Variants in ZBTB20 observed in about 807,000 individuals in gnomAD.
ZBTB20 encodes the protein zinc finger and BTB domain-containing protein 20.
ZBTB20 carries 9 observed loss-of-function variants against 56.9 expected under a neutral mutation model. The observed-to-expected ratio is 0.16, with a 90% confidence interval of 0.10 to 0.28. ZBTB20 has a LOEUF of 0.28. Among genes scored for constraint, ZBTB20 ranks in the 10% least tolerant of loss-of-function variants. The probability of loss-of-function intolerance (pLI) is 1.00; values close to 1 mark genes in which losing one functional copy is unlikely to be tolerated. For synonymous variants in ZBTB20, 417 were observed against 420.7 expected, an observed-to-expected ratio of 0.99 and a Z score of 0.11; for missense variants, 655 against 1,003.0, an observed-to-expected ratio of 0.65 and a Z score of 4.69.
chr3:114,914,102 T>C (rs1375889119), intron 3 of ZBTB20, among the ~76,000 whole-genome samples: 1 of 152,054 alleles, frequency 6.6e-6, no homozygotes, highest in African/African-American at 2.4e-5. Flanking sequence ...GTGTTTTCTA[T>C]TTCTGTGAAG....
At chr3:115,094,122 G>C (rs574731411) in intron 1 of ZBTB20, among the ~76,000 whole-genome samples, 1 of 151,946 alleles carries the variant, frequency 6.6e-6, no homozygotes, top group Non-Finnish European at 1.5e-5. Flanking sequence ...GAAATGAGGT[G>C]AGGGGATAAA....
intron 4 of ZBTB20, among the ~76,000 whole-genome samples, chr3:114,876,686 T>C (rs779910592): frequency 7.9e-5 from 12 of 152,040 alleles, no homozygotes; most frequent in Non-Finnish European, 1.2e-4. Flanking sequence ...GAGAAGAAAA[T>C]CTAGTACATT....
rs2079444218 is a variant in ZBTB20 at position 114,336,076 on chromosome 3, C to T, written c.*2929G>A. 6.6e-6 allele frequency: 1 copy of T among 152,164 alleles called. No individual in the cohort carries two copies. The highest frequency in any genetic ancestry group is 1.5e-5 in the Non-Finnish European group (1 of 68,014). 9.4% of individuals were successfully genotyped at this position (152,164 alleles called of 1,614,324 possible). ...ATTAGTGAAAATTCTTCCTACTTTG[C>T]TAAATTTGAACAAAGACACTTTCAA... On this transcript the variant is annotated 3_prime_UTR_variant, in exon 12 of 12. Coordinates refer to ENST00000675478, the MANE Select transcript of ZBTB20 (RefSeq NM_001348800.3).
At chr3:115,143,733 G>GA (rs1354828944) in intron 1 of ZBTB20, among the ~76,000 whole-genome samples, 3 of 151,864 alleles carry the variant, frequency 2.0e-5, no homozygotes, top group Admixed American at 6.6e-5. Context: ...TTAAAATCAT[G>GA]AAAAAAATCC....
intron 6 of ZBTB20, among the ~76,000 whole-genome samples, chr3:114,660,178 A>G (rs1248466663): frequency 2.0e-5 from 3 of 152,156 alleles, no homozygotes; most frequent in Non-Finnish European, 4.4e-5. Flanking sequence ...AGCCTGTTCT[A>G]ATCTCCCTTT....
intron 3 of ZBTB20, among the ~76,000 whole-genome samples, chr3:114,942,381 CTT>C (rs1207975285): frequency 6.9e-6 from 1 of 145,810 alleles, no homozygotes; most frequent in East Asian, 1.9e-4. Flanking sequence ...TTTTTGTACT[CTT>C]AAATACTTAA....
At chr3:114,475,961 C>T (rs1037558211) in intron 7 of ZBTB20, among the ~76,000 whole-genome samples, 1 of 151,824 alleles carries the variant, frequency 6.6e-6, no homozygotes, top group African/African-American at 2.4e-5. Flanking sequence ...TGAAGAAATT[C>T]ATATTTTTCT....
intron 10 of ZBTB20, among the ~76,000 whole-genome samples, chr3:114,354,290 G>A (rs1400932344): frequency 1.3e-5 from 2 of 152,214 alleles, no homozygotes; most frequent in Non-Finnish European, 2.9e-5. Context: ...GGTTGTGTCT[G>A]TGATCATCTC....
intron 2 of ZBTB20, among the ~76,000 whole-genome samples, chr3:115,064,406 T>C (rs535906554): frequency 6.6e-6 from 1 of 151,460 alleles, no homozygotes; most frequent in East Asian, 2.0e-4. Flanking sequence ...AGTTTGGGTG[T>C]AGAATTCAAA....
rs1367358603 is a variant in ZBTB20 at position 114,319,548 on chromosome 3, C to T, written c.*19457G>A. On this transcript the variant is annotated 3_prime_UTR_variant, in exon 12 of 12. Coordinates refer to ENST00000675478, the MANE Select transcript of ZBTB20 (RefSeq NM_001348800.3). Reference sequence around the variant, plus strand: ...TACCGCTGTTCTTCCCTTTACTGTGCATTTGTATGGGTAAACGGGCCAGTT... The same window carrying T: ...TACCGCTGTTCTTCCCTTTACTGTGTATTTGTATGGGTAAACGGGCCAGTT... The T allele has an allele frequency of 6.6e-6, 1 of 152,098 alleles. No individual in the cohort carries two copies. The highest frequency in any genetic ancestry group is 1.5e-5 in the Non-Finnish European group (1 of 68,016). The allele number at this position is 152,098 out of a possible 1,614,324, so 9.4% of individuals were successfully genotyped here. A position where few individuals can be genotyped will look rare whatever the true frequency, so the allele number is the denominator to read the frequency against.
intron 2 of ZBTB20, among the ~76,000 whole-genome samples, chr3:115,032,281 A>T (rs2080719259): frequency 6.6e-6 from 1 of 151,508 alleles, no homozygotes; most frequent in South Asian, 2.1e-4. Flanking sequence ...ATATGATTAT[A>T]TATAATGAAG....
chr3:114,716,092 C>T (rs1035536568), intron 5 of ZBTB20, among the ~76,000 whole-genome samples: 4 of 152,286 alleles, frequency 2.6e-5, no homozygotes, highest in Admixed American at 6.5e-5. Flanking sequence ...AATCTCTCTC[C>T]GTTCTCCTAA....
intron 4 of ZBTB20, among the ~76,000 whole-genome samples, chr3:114,807,042 C>T (rs2072158321): frequency 1.3e-5 from 2 of 152,020 alleles, no homozygotes; most frequent in East Asian, 3.9e-4. Context: ...ATTTTGTTTT[C>T]CTTTTTCAAA....
intron 7 of ZBTB20, among the ~76,000 whole-genome samples, chr3:114,444,937 G>T (rs1277708575): frequency 6.6e-6 from 1 of 151,848 alleles, no homozygotes; most frequent in Non-Finnish European, 1.5e-5. Flanking sequence ...ATTCTACATG[G>T]TCCTCGACCA....
At chr3:114,593,384 CTTTTTTTTTTTT>C (rs201568736) in intron 6 of ZBTB20, among the ~76,000 whole-genome samples, 1 of 133,500 alleles carries the variant, frequency 7.5e-6, no homozygotes, top group Non-Finnish European at 1.6e-5. Flanking sequence ...TTTTTCTTTT[CTTTTTTTTTTTT>C]TTTTTGAGAC....
rs900969349 is a variant in ZBTB20, at chr3:114,329,728, A to C, written c.*9277T>G. Reference sequence around the variant, plus strand: ...TTTTTGGAAAAAAAAAAAAAAAAAAAAAAAAAAAACAACTCCCAGGAAAAT... The same window carrying C: ...TTTTTGGAAAAAAAAAAAAAAAAAACAAAAAAAAACAACTCCCAGGAAAAT... On this transcript the variant is annotated 3_prime_UTR_variant, in exon 12 of 12. Coordinates refer to ENST00000675478, the MANE Select transcript of ZBTB20 (RefSeq NM_001348800.3). 66 of 148,414 alleles carry C rather than the reference A, an allele frequency of 4.4e-4. 1 individual carries two copies. The highest frequency in any genetic ancestry group is 1.6e-3 in the African/African-American group (65 of 40,240). The allele number at this position is 148,414 out of a possible 1,614,324, so 9.2% of individuals were successfully genotyped here. A position where few individuals can be genotyped will look rare whatever the true frequency, so the allele number is the denominator to read the frequency against.
chr3:114,783,586 G>A (rs1177971246), intron 5 of ZBTB20, among the ~76,000 whole-genome samples: 4 of 151,956 alleles, frequency 2.6e-5, no homozygotes, highest in Admixed American at 1.3e-4. Flanking sequence ...ACGAGGTCAC[G>A]AGATCGAGAC....
intron 3 of ZBTB20, among the ~76,000 whole-genome samples, chr3:114,917,667 T>C (rs942081343): frequency 6.6e-6 from 1 of 152,202 alleles, no homozygotes; most frequent in African/African-American, 2.4e-5. Flanking sequence ...TCTGGAAGAA[T>C]TCTCTGGATT....
At chr3:115,079,338 T>C (rs1276564994) in intron 1 of ZBTB20, among the ~76,000 whole-genome samples, 1 of 152,092 alleles carries the variant, frequency 6.6e-6, no homozygotes, top group African/African-American at 2.4e-5. Flanking sequence ...AGCTACAAAA[T>C]ATCATAATCT....
Sources: allele counts gnomAD v4.1 joint callset (sites outside exome capture counted in the v4.1 genomes callset), GRCh38; gene constraint gnomAD v4.1.1; transcripts MANE v1.5; gene names NCBI Gene and HGNC (gene_info 2026-07-23, HGNC 2026-07-21).